GCC2: variants seen among roughly 807,000 people sequenced by gnomAD.
GCC2 encodes GRIP and coiled-coil domain-containing protein 2.
In GCC2, 120 loss-of-function variants were observed where a neutral mutation model predicts 210.6. That is an observed-to-expected ratio of 0.57 (90% CI 0.49 to 0.66). The LOEUF (loss-of-function observed/expected upper bound fraction) is 0.66, where lower values mean the gene tolerates loss of function less well. Ranked by LOEUF, GCC2 falls within the 30% of genes least tolerant of loss-of-function variation. The pLI is 0.00. For missense variants in GCC2, 1,868 were observed against 1,871.9 expected, an observed-to-expected ratio of 1.00 and a Z score of 0.04; for synonymous variants, 703 against 652.7, an observed-to-expected ratio of 1.08 and a Z score of -1.17.
chr2:108,466,034 AT>A (rs1197368335), intron 4 of GCC2, among the ~76,000 whole-genome samples: 1 of 152,064 alleles, frequency 6.6e-6, no homozygotes, highest in Non-Finnish European at 1.5e-5. Context: ...TTCCCTGATG[AT>A]TATGATGTTG....
chr2:108,457,682 A>C (rs1319552506), intron 4 of GCC2, among the ~76,000 whole-genome samples: 1 of 151,916 alleles, frequency 6.6e-6, no homozygotes, highest in African/African-American at 2.4e-5. Context: ...CATTATAGAG[A>C]TCTTACACTT....
chr2:108,449,859 C>G, intron 2 of GCC2, 170 bp downstream of exon 2: 1 of 594,322 alleles, frequency 1.7e-6, no homozygotes, highest in Non-Finnish European at 3.0e-6. Context: ...TCTCCCCCGC[C>G]CACCCCGATA....
chr2:108,451,543 CTGAAGT>C (rs1194947945), intron 3 of GCC2, among the ~76,000 whole-genome samples: 2 of 152,110 alleles, frequency 1.3e-5, no homozygotes, highest in East Asian at 3.9e-4. Flanking sequence ...TGTTTACCTG[CTGAAGT>C]TGATTGATTC....
intron 4 of GCC2, among the ~76,000 whole-genome samples, chr2:108,466,997 T>C (rs1558736382): frequency 6.6e-6 from 1 of 152,346 alleles, no homozygotes; most frequent in African/African-American, 2.4e-5. Context: ...GTGCCTTTGC[T>C]GATACTATAT....
intron 17 of GCC2, among the ~76,000 whole-genome samples, chr2:108,488,252 A>G (rs1558754036): frequency 6.6e-6 from 1 of 152,102 alleles, no homozygotes; most frequent in Non-Finnish European, 1.5e-5. Context: ...GTATATTGTT[A>G]CCAAAGAGAA....
intron 9 of GCC2, among the ~76,000 whole-genome samples, chr2:108,479,668 AAAAGAGCAT>A: frequency 6.6e-6 from 1 of 151,906 alleles, no homozygotes; most frequent in Admixed American, 6.6e-5. Context: ...AGCACGATCC[AAAAGAGCAT>A]AAATGCCACA....
intron 13 of GCC2, among the ~76,000 whole-genome samples, chr2:108,485,139 G>A (rs1682065991): frequency 6.6e-6 from 1 of 151,086 alleles, no homozygotes; most frequent in Non-Finnish European, 1.5e-5. Flanking sequence ...CATGGACACA[G>A]GAAGGGGAAT....
At position 108,449,208 on chromosome 2, in the gene GCC2, A is replaced by C. The variant is rs2104391879; in HGVS notation, c.-67A>C. 1 of 1,516,546 alleles carries C rather than the reference A, an allele frequency of 6.6e-7. No homozygotes were observed. The highest frequency in any genetic ancestry group is 1.4e-5 in the African/African-American group (1 of 72,508). 93.9% of individuals were successfully genotyped at this position (1,516,546 alleles called of 1,614,324 possible). A position where few individuals can be genotyped will look rare whatever the true frequency, so the allele number is the denominator to read the frequency against. On this transcript the variant is annotated 5_prime_UTR_variant, in exon 1 of 23. Transcript: ENST00000309863. Reference sequence around the variant, plus strand: ...TGACCTGCAGTAGAGCCTACGTCAGAGGCTGGCGCAAACAGAAGTGCAGCG... The same window carrying C: ...TGACCTGCAGTAGAGCCTACGTCAGCGGCTGGCGCAAACAGAAGTGCAGCG...
At chr2:108,466,798 C>T (rs1680917145) in intron 4 of GCC2, among the ~76,000 whole-genome samples, 1 of 152,120 alleles carries the variant, frequency 6.6e-6, no homozygotes, top group African/African-American at 2.4e-5. Context: ...GAGTTTAAAG[C>T]TGTGTTTTTG....
At chr2:108,492,297 G>C (rs775273905) in intron 18 of GCC2, among the ~76,000 whole-genome samples, 1 of 152,032 alleles carries the variant, frequency 6.6e-6, no homozygotes, top group Non-Finnish European at 1.5e-5. Flanking sequence ...GATGAACCAT[G>C]AAAGAAGTTC....
intron 9 of GCC2, among the ~76,000 whole-genome samples, chr2:108,479,806 AC>A (rs1182391483): frequency 6.6e-6 from 1 of 151,994 alleles, no homozygotes; most frequent in Non-Finnish European, 1.5e-5. Flanking sequence ...ACATGGTGAA[AC>A]CCCATCTCTA....
At chr2:108,500,083 AT>A (rs1682842877) in intron 22 of GCC2, among the ~76,000 whole-genome samples, 1 of 152,026 alleles carries the variant, frequency 6.6e-6, no homozygotes, top group South Asian at 2.1e-4. Flanking sequence ...TTTAAAAAAC[AT>A]TTATTAGCTT....
intron 22 of GCC2, among the ~76,000 whole-genome samples, chr2:108,501,378 T>A (rs1371330090): frequency 6.6e-6 from 1 of 152,180 alleles, no homozygotes; most frequent in East Asian, 1.9e-4. Context: ...GCTATAGCAG[T>A]CCTGTATTTG....
At chr2:108,472,648 G>C (rs957346183) in intron 6 of GCC2, among the ~76,000 whole-genome samples, 179 bp from the exon 7 acceptor site, 5 of 151,480 alleles carry the variant, frequency 3.3e-5, no homozygotes, top group Non-Finnish European at 7.4e-5. Context: ...GCATAGTAAG[G>C]TCAGTATTAA....
intron 4 of GCC2, among the ~76,000 whole-genome samples, chr2:108,459,583 A>G (rs1573349992): frequency 6.6e-6 from 1 of 151,536 alleles, no homozygotes; most frequent in East Asian, 1.9e-4. Flanking sequence ...GAGTGGGGTG[A>G]GTTTGCCCAG....
At position 108,487,805 on chromosome 2, in the gene GCC2, G is replaced by T. The variant is rs1188112234; in HGVS notation, c.4037G>T (p.Gly1346Val). ...TCTATGTCTCAGGCTGAAACTGAGG[G>T]CGCTAAACAAGAAAGGTAAAGTCTG... ...NKSMSQAETE[G>V]AKQEREHLEM... The change falls in exon 17 of 23, where the codon GGC (glycine) becomes GTC (valine). Residue 1346 changes from glycine (G) to valine (V), a missense_variant. This residue lies in a region of GCC2 where 1,847 missense variants were observed against 1,765.2 expected (regional missense o/e 1.05). Coordinates refer to ENST00000309863, the MANE Select transcript of GCC2 (RefSeq NM_181453.4). The T allele has an allele frequency of 6.2e-7, 1 of 1,613,046 alleles. No homozygotes were observed. The highest frequency in any genetic ancestry group is 1.3e-5 in the African/African-American group (1 of 74,812).
At position 108,484,030 on chromosome 2, in the gene GCC2, T is replaced by C. The variant is rs1216046803; in HGVS notation, c.3451-119T>C. Reference sequence around the variant, plus strand: ...GTTACAGTGTAAACAATTTCAGTATTACAGAAAAGCACCCATTTATTGCTG... The same window carrying C: ...GTTACAGTGTAAACAATTTCAGTATCACAGAAAAGCACCCATTTATTGCTG... On this transcript the variant is annotated intron_variant, in intron 12 of 22. Coordinates refer to ENST00000309863, the MANE Select transcript of GCC2 (RefSeq NM_181453.4). The C allele has an allele frequency of 2.3e-5, 12 of 514,106 alleles. No homozygotes were observed. The East Asian group carries it at 4.0e-4, about 17-fold the overall frequency. 31.8% of individuals were successfully genotyped at this position (514,106 alleles called of 1,614,324 possible).
At chr2:108,475,484 G>C (rs1681459053) in intron 7 of GCC2, 51 bp from the exon 8 acceptor site, 1 of 801,790 alleles carries the variant, frequency 1.2e-6, no homozygotes, top group Non-Finnish European at 1.9e-6. Context: ...CAAGTAATTT[G>C]AATTTTTTCC....
At chr2:108,459,565 A>G (rs940006792) in intron 4 of GCC2, among the ~76,000 whole-genome samples, 1 of 151,920 alleles carries the variant, frequency 6.6e-6, no homozygotes, top group African/African-American at 2.4e-5. Context: ...TGATCTGTCT[A>G]ATGCTGAGAG....
Sources: allele counts gnomAD v4.1 joint callset (sites outside exome capture counted in the v4.1 genomes callset), GRCh38; gene constraint gnomAD v4.1.1; regional missense constraint gnomAD v4.1.1; transcripts MANE v1.5; gene names NCBI Gene and HGNC (gene_info 2026-07-23, HGNC 2026-07-21).